BARX2: variants seen among roughly 807,000 people sequenced by gnomAD.
The protein encoded by BARX2 is BARX homeobox 2.
In BARX2, 11 loss-of-function variants were observed where a neutral mutation model predicts 25.5. That is an observed-to-expected ratio of 0.43 (90% CI 0.27 to 0.71). The LOEUF is 0.71. BARX2 is among the 30% of genes least tolerant of loss of function. BARX2 has a pLI of 0.19. For missense variants in BARX2, 360 were observed against 359.9 expected (o/e 1.00, Z 0.00); for synonymous variants, 137 against 149.5 (o/e 0.92, Z 0.61).
In BARX2 at chr11:129,437,399, G is replaced by A. The variant is rs1433651420; in HGVS notation, c.488+348G>A. ...TTTTAAGCCACTCACTCTTAGGATT[G>A]GAGGCAGCAGGACTAGATTTGGAAT... On this transcript the variant is annotated intron_variant, in intron 2 of 3. Coordinates refer to ENST00000281437, the MANE Select transcript of BARX2 (RefSeq NM_003658.5). The A allele has an allele frequency of 3.0e-6, 3 of 984,526 alleles. No homozygotes were observed. The African/African-American group carries it at 5.2e-5, about 17-fold the overall frequency. The allele number at this position is 984,526 out of a possible 1,614,324, so 61.0% of individuals were successfully genotyped here.
At chr11:129,417,634 A>G (rs1273775350) in intron 1 of BARX2, among the ~76,000 whole-genome samples, 2 of 152,218 alleles carry the variant, frequency 1.3e-5, no homozygotes, top group Non-Finnish European at 2.9e-5. Flanking sequence ...GGAGGGGTGT[A>G]GGTCTGCTGC....
intron 3 of BARX2, among the ~76,000 whole-genome samples, chr11:129,450,773 G>GT (rs954495379): frequency 8.6e-5 from 13 of 151,952 alleles, no homozygotes; most frequent in East Asian, 2.0e-4. Flanking sequence ...CATACAGTGT[G>GT]TTTTTTTTCC....
At chr11:129,442,607 T>C (rs1862275364) in intron 2 of BARX2, 2 of 522,134 alleles carry the variant, frequency 3.8e-6, no homozygotes, top group African/African-American at 3.9e-5. Context: ...GGATGGGGAC[T>C]GGCCCAGGTG....
At chr11:129,408,936 G>A (rs987197831) in intron 1 of BARX2, among the ~76,000 whole-genome samples, 3 of 152,110 alleles carry the variant, frequency 2.0e-5, no homozygotes, top group Non-Finnish European at 4.4e-5. Flanking sequence ...CATTGAATAC[G>A]ATTGAACTTG....
intron 3 of BARX2, among the ~76,000 whole-genome samples, chr11:129,445,691 A>G (rs3019793): frequency 0.38 from 57,233 of 152,018 alleles, 11,285 homozygotes; most frequent in African/African-American, 0.48. Flanking sequence ...GAGCCTGTCC[A>G]CCAGAAAATA....
intron 1 of BARX2, among the ~76,000 whole-genome samples, chr11:129,423,203 G>A (rs758107578): frequency 6.1e-5 from 9 of 148,492 alleles, no homozygotes; most frequent in African/African-American, 2.0e-4. Context: ...TGCAACCTCC[G>A]CCTCCCAGAT....
In BARX2 at chr11:129,416,485, T is replaced by G. The variant is rs11823076; in HGVS notation, c.188-20266T>G. Among the ~76,000 whole-genome samples, 3 of 152,296 alleles carry G rather than the reference T, an allele frequency of 2.0e-5. No individual in the cohort carries two copies. In the South Asian group the frequency reaches 6.2e-4, roughly 32 times the overall value. On this transcript the variant is annotated intron_variant, in intron 1 of 3. Coordinates refer to ENST00000281437, the MANE Select transcript of BARX2 (RefSeq NM_003658.5). ...GCTCAGGGTTTCCAATGGATTATCT[T>G]TGGCTATGATGCCCAAAGAATCTTG... is the stretch of plus-strand genomic sequence containing the variant.
chr11:129,444,207 T>C (rs987260936), intron 3 of BARX2, among the ~76,000 whole-genome samples: 2 of 151,670 alleles, frequency 1.3e-5, no homozygotes, highest in African/African-American at 4.9e-5. Flanking sequence ...TCCTTGCTAT[T>C]TTCTGCTAAC....
intron 1 of BARX2, among the ~76,000 whole-genome samples, chr11:129,413,832 G>A (rs1861914754): frequency 6.6e-6 from 1 of 152,170 alleles, no homozygotes; most frequent in African/African-American, 2.4e-5. Flanking sequence ...GGGAGGCCGA[G>A]GCAGGCGGAT....
At position 129,428,779 on chromosome 11, in the gene BARX2, G is replaced by A. The variant is rs547935491; in HGVS notation, c.188-7972G>A. On this transcript the variant is annotated intron_variant, in intron 1 of 3. Transcript: ENST00000281437. ...AGAGCTCAAGACAGTGCCTCATTGC[G>A]ATTCTATTTGTTGACAATGGTGATC... Among the ~76,000 whole-genome samples the A allele has an allele frequency of 5.9e-5, 9 of 152,234 alleles. No homozygotes were observed. The South Asian group carries it at 1.2e-3, about 21-fold the overall frequency.
chr11:129,409,246 G>A (rs765931592), intron 1 of BARX2, among the ~76,000 whole-genome samples: 6 of 152,272 alleles, frequency 3.9e-5, no homozygotes, highest in Non-Finnish European at 5.9e-5. Flanking sequence ...CCCACCCACC[G>A]TTCTCTGCCT....
chr11:129,391,126 G>C (rs1466293266), intron 1 of BARX2, among the ~76,000 whole-genome samples: 1 of 152,156 alleles, frequency 6.6e-6, no homozygotes, highest in Non-Finnish European at 1.5e-5. Context: ...GCAGTCTCCA[G>C]GGGATTACAT....
chr11:129,449,469 G>A (rs1862370573), intron 3 of BARX2, among the ~76,000 whole-genome samples: 1 of 152,178 alleles, frequency 6.6e-6, no homozygotes, highest in Non-Finnish European at 1.5e-5. Flanking sequence ...CTAATCATCT[G>A]TGCTAATCCA....
chr11:129,389,171 G>T (rs1259405212), intron 1 of BARX2, among the ~76,000 whole-genome samples: 1 of 152,190 alleles, frequency 6.6e-6, no homozygotes, highest in Non-Finnish European at 1.5e-5. Context: ...AAAACTCCTA[G>T]TATAGTTTGT....
intron 2 of BARX2, chr11:129,438,435 C>A (rs1337674684): frequency 1.3e-5 from 2 of 151,556 alleles, no homozygotes; most frequent in Non-Finnish European, 2.9e-5. Context: ...GGGGAGATTT[C>A]TCAGGTCCTT....
intron 3 of BARX2, 37 bp downstream of exon 3, chr11:129,442,956 T>A: frequency 6.4e-7 from 1 of 1,550,790 alleles, no homozygotes; most frequent in Non-Finnish European, 8.9e-7. Flanking sequence ...CCCTTCCTGA[T>A]GGGAAGGACT....
chr11:129,398,355 T>C (rs2135391633), intron 1 of BARX2, among the ~76,000 whole-genome samples: 1 of 152,362 alleles, frequency 6.6e-6, no homozygotes, highest in South Asian at 2.1e-4. Context: ...CTTCTAGTTT[T>C]GTAATGCGCC....
intron 1 of BARX2, among the ~76,000 whole-genome samples, chr11:129,398,415 C>G (rs1289891550): frequency 6.6e-6 from 1 of 152,278 alleles, no homozygotes; most frequent in South Asian, 2.1e-4. Context: ...CTCTGTTTCT[C>G]TTTTTGGACA....
At chr11:129,391,863 G>T in intron 1 of BARX2, among the ~76,000 whole-genome samples, 1 of 152,224 alleles carries the variant, frequency 6.6e-6, no homozygotes, top group East Asian at 1.9e-4. Context: ...TGGCCCCTGA[G>T]GAGAGGCTGG....
Sources: allele counts gnomAD v4.1 joint callset (sites outside exome capture counted in the v4.1 genomes callset), GRCh38; gene constraint gnomAD v4.1.1; transcripts MANE v1.5; gene names NCBI Gene and HGNC (gene_info 2026-07-23, HGNC 2026-07-21).